Variants in PCCA observed in about 807,000 individuals in gnomAD.
PCCA encodes the protein propionyl-CoA carboxylase subunit alpha.
In PCCA, 74 loss-of-function variants were observed where a neutral mutation model predicts 101.3. That is an observed-to-expected ratio of 0.73 (90% CI 0.61 to 0.89). PCCA has a LOEUF of 0.89. PCCA is among the 40% of genes least tolerant of loss of function. The pLI, the probability that PCCA is intolerant of heterozygous loss-of-function variation, is 0.00. For missense variants in PCCA, 891 were observed against 907.0 expected (o/e 0.98, Z 0.23); for synonymous variants, 294 against 313.6 (o/e 0.94, Z 0.66).
chr13:100,440,692 T>G (rs926949424), intron 20 of PCCA, among the ~76,000 whole-genome samples: 11 of 151,966 alleles, frequency 7.2e-5, no homozygotes, highest in African/African-American at 2.7e-4. Flanking sequence ...CCCATCTGTT[T>G]GAAGTCATTA....
chr13:100,322,729 C>A (rs1262068326), intron 16 of PCCA, among the ~76,000 whole-genome samples: 1 of 152,012 alleles, frequency 6.6e-6, no homozygotes, highest in African/African-American at 2.4e-5. Flanking sequence ...TGCCACCATT[C>A]CCAGCTAATT....
intron 21 of PCCA, among the ~76,000 whole-genome samples, chr13:100,467,873 G>C (rs1048773979): frequency 6.6e-6 from 1 of 152,204 alleles, no homozygotes; most frequent in Non-Finnish European, 1.5e-5. Context: ...GTTCTTAATA[G>C]CATCTAGAGT....
rs771192984 is a variant in PCCA at position 100,340,235 on chromosome 13, CACA to C, written c.1623_1625del (p.Gln541del). Reference sequence around the variant, plus strand: ...TTGTTTGTGGCATTCCAGTTAAGAGCACAACATTTTCAAGAAAATTCAAGGTAT... The same window carrying C: ...TTGTTTGTGGCATTCCAGTTAAGAGCACATTTTCAAGAAAATTCAAGGTAT... On this transcript the variant is annotated inframe_deletion, in exon 18 of 24. Coordinates refer to ENST00000376285, the MANE Select transcript of PCCA (RefSeq NM_000282.4). The C allele has an allele frequency of 1.3e-6, 2 of 1,599,432 alleles. No individual in the cohort carries two copies. Among genetic ancestry groups the C allele is most frequent in the South Asian group, 1.1e-5 (1 of 90,772 alleles).
intron 18 of PCCA, among the ~76,000 whole-genome samples, chr13:100,368,010 T>C (rs1185518770): frequency 2.0e-5 from 3 of 152,082 alleles, no homozygotes; most frequent in Admixed American, 6.5e-5. Context: ...TGTACTAAGA[T>C]ATTTCTCTTC....
chr13:100,346,945 T>C lies in PCCA; in HGVS notation c.1643+6686T>C, dbSNP rs542143004. ...CTGGAGGGCAGTGGTGTGATCTTGGTTCACTGCAACCTCCGCCTCCTGTGT... is the reference window on the plus strand; with the variant it reads ...CTGGAGGGCAGTGGTGTGATCTTGGCTCACTGCAACCTCCGCCTCCTGTGT... On this transcript the variant is annotated intron_variant, in intron 18 of 23. Transcript: ENST00000376285. Among the ~76,000 whole-genome samples the C allele has an allele frequency of 2.6e-5, 4 of 152,076 alleles. No homozygotes were observed. The East Asian group carries it at 5.8e-4, about 22-fold the overall frequency.
intron 18 of PCCA, among the ~76,000 whole-genome samples, chr13:100,359,107 A>AAAG (rs1555432525): frequency 2.0e-5 from 3 of 151,608 alleles, no homozygotes; most frequent in Non-Finnish European, 2.9e-5. Flanking sequence ...AAAAAAAAAA[A>AAAG]AAAAGAAAAA....
intron 20 of PCCA, among the ~76,000 whole-genome samples, chr13:100,428,759 C>G (rs2079344198): frequency 6.6e-6 from 1 of 152,064 alleles, no homozygotes; most frequent in Non-Finnish European, 1.5e-5. Flanking sequence ...TGCTGCTGGT[C>G]TGGGCCACAT....
chr13:100,151,388 T>G (rs953429997), intron 4 of PCCA, among the ~76,000 whole-genome samples: 1 of 152,108 alleles, frequency 6.6e-6, no homozygotes, highest in Non-Finnish European at 1.5e-5. Flanking sequence ...GGTCGGGAGT[T>G]CGAGACCAGC....
chr13:100,145,413 G>A (rs2052412827), intron 4 of PCCA, among the ~76,000 whole-genome samples: 1 of 152,164 alleles, frequency 6.6e-6, no homozygotes, highest in Admixed American at 6.5e-5. Flanking sequence ...ATTGCCAACT[G>A]TGTCCTGGGG....
chr13:100,459,886 C>T (rs2082054822), intron 21 of PCCA, among the ~76,000 whole-genome samples: 1 of 152,340 alleles, frequency 6.6e-6, no homozygotes, highest in Admixed American at 6.5e-5. Context: ...CCTATTCTCC[C>T]GTAGCAGAGA....
At chr13:100,261,177 G>A (rs910645594) in intron 9 of PCCA, among the ~76,000 whole-genome samples, 1 of 151,956 alleles carries the variant, frequency 6.6e-6, no homozygotes, top group African/African-American at 2.4e-5. Context: ...TGGACCATTT[G>A]CCTCTTAAAG....
chr13:100,253,886 TCTA>T (rs1411074201), intron 8 of PCCA, among the ~76,000 whole-genome samples: 1 of 151,724 alleles, frequency 6.6e-6, no homozygotes, highest in African/African-American at 2.4e-5. Context: ...AGCAGTCTCT[TCTA>T]CTAGGACTTT....
intron 21 of PCCA, among the ~76,000 whole-genome samples, chr13:100,457,717 G>A (rs1202012124): frequency 2.0e-5 from 3 of 152,206 alleles, no homozygotes; most frequent in African/African-American, 7.2e-5. Flanking sequence ...GTAGTTCAGA[G>A]CAAAGAACAA....
chr13:100,410,276 C>T (rs1595794575), intron 19 of PCCA, among the ~76,000 whole-genome samples: 1 of 151,950 alleles, frequency 6.6e-6, no homozygotes. Flanking sequence ...CGGAGTCTCG[C>T]TCTGTCCCCA....
At chr13:100,219,075 CCT>C (rs1410003688) in intron 7 of PCCA, among the ~76,000 whole-genome samples, 1 of 152,092 alleles carries the variant, frequency 6.6e-6, no homozygotes, top group Non-Finnish European at 1.5e-5. Context: ...TGGTTCACTC[CCT>C]GATTGCAGCC....
chr13:100,252,574 G>A (rs1051423374), intron 8 of PCCA, among the ~76,000 whole-genome samples: 12 of 152,100 alleles, frequency 7.9e-5, no homozygotes, highest in African/African-American at 2.9e-4. Context: ...AAGTTACCAG[G>A]TTGTGCTACC....
At chr13:100,138,897 T>G (rs1347952408) in intron 4 of PCCA, among the ~76,000 whole-genome samples, 2 of 128,170 alleles carry the variant, frequency 1.6e-5, no homozygotes, top group Admixed American at 1.9e-4. Flanking sequence ...ATCACACCAC[T>G]GCACTCCAGC....
chr13:100,160,129 A>T (rs1249366731), intron 6 of PCCA, among the ~76,000 whole-genome samples: 1 of 152,212 alleles, frequency 6.6e-6, no homozygotes, highest in Non-Finnish European at 1.5e-5. Context: ...ACCAAACTTT[A>T]CAAGACTGAT....
At chr13:100,111,737 G>T in intron 2 of PCCA, 104 bp from the exon 3 acceptor site, 1 of 709,690 alleles carries the variant, frequency 1.4e-6, no homozygotes, top group Non-Finnish European at 2.6e-6. Flanking sequence ...ATGTTTATTA[G>T]GGTTATATTC....
Sources: gnomAD v4.1 joint callset for allele counts (sites outside exome capture counted in the v4.1 genomes callset) on GRCh38, gnomAD v4.1.1 for gene constraint, MANE v1.5 for transcripts, NCBI Gene and HGNC (gene_info 2026-07-23, HGNC 2026-07-21) for gene names.